Variants in DUSP5 observed in about 807,000 individuals in gnomAD.
The protein encoded by DUSP5 is dual specificity phosphatase 5, also known as dual specificity protein phosphatase 5.
A neutral mutation model predicts 33.6 loss-of-function variants in DUSP5; 22 were observed. The observed-to-expected ratio is 0.66, with a 90% CI of 0.47 to 0.94. The LOEUF is 0.94. Ranked by LOEUF, DUSP5 falls within the 40% of genes least tolerant of loss-of-function variation. The pLI, the probability that DUSP5 is intolerant of heterozygous loss-of-function variation, is 0.00. For synonymous variants in DUSP5, 270 were observed against 231.1 expected, an observed-to-expected ratio of 1.17 and a Z score of -1.53; for missense variants, 551 against 522.1, an observed-to-expected ratio of 1.06 and a Z score of -0.54.
intron 2 of DUSP5, among the ~76,000 whole-genome samples, chr10:110,503,725 A>C (rs1435118522): frequency 6.6e-6 from 1 of 152,268 alleles, no homozygotes; most frequent in Admixed American, 6.5e-5. Flanking sequence ...TCAAGGCAGC[A>C]TCAGGCTCAG....
In DUSP5 at chr10:110,502,799, G is replaced by A. The variant is rs1564773138; in HGVS notation, c.458G>A (p.Ser153Asn). 3 of 1,614,198 alleles carry A rather than the reference G, an allele frequency of 1.9e-6. No homozygotes were observed. Among genetic ancestry groups the A allele is most frequent in the Non-Finnish European group, 2.5e-6 (3 of 1,180,038 alleles). Residue 153 changes from serine to asparagine, a missense_variant, in exon 2 of 4, where the codon AGT (serine) becomes AAT (asparagine). Ser to Asn is a conservative substitution (Grantham distance 46, BLOSUM62 1). This residue lies in a region of DUSP5 where 381 missense variants were observed against 310.4 expected (regional missense o/e 1.23). Transcript: ENST00000369583. The stretch of plus-strand genomic sequence containing the variant: ...CCCATTTCACAAGAGAAGATTGAGA[G>A]TGAGAGAGCCCTCATCAGCCAGTGT... ...VKPISQEKIESERALISQCGK... is the reference protein window; with the variant it reads ...VKPISQEKIENERALISQCGK...
In DUSP5 at chr10:110,498,108, G is replaced by A. The variant is rs554331574; in HGVS notation, c.-14G>A. 14 of 1,285,528 alleles carry A rather than the reference G, an allele frequency of 1.1e-5. No homozygotes were observed. The highest frequency in any genetic ancestry group is 1.4e-5 in the Non-Finnish European group (14 of 1,014,274). The allele number at this position is 1,285,528 out of a possible 1,614,324, so 79.6% of individuals were successfully genotyped here. On this transcript the variant is annotated 5_prime_UTR_variant, in exon 1 of 4. Transcript: ENST00000369583. ...GCGCGCGGCGCGGGGCCGCTGGCCGGCGGCGGCGGCGGCATGAAGGTCACG... is the reference window on the plus strand; with the variant it reads ...GCGCGCGGCGCGGGGCCGCTGGCCGACGGCGGCGGCGGCATGAAGGTCACG...
At position 110,498,036 on chromosome 10, in the gene DUSP5, C is replaced by T; in HGVS notation, c.-86C>T. 3.9e-6 allele frequency: 4 copies of T among 1,031,508 alleles called. No individual in the cohort carries two copies. Among genetic ancestry groups the T allele is most frequent in the Non-Finnish European group, 4.7e-6 (4 of 859,522 alleles). 63.9% of individuals were successfully genotyped at this position (1,031,508 alleles called of 1,614,324 possible). Reference sequence around the variant, plus strand: ...CGCGGGTCGCCCTCCCGTGCCTCGCCCGCGGACACCCTGGCCGTGGACACC... The same window carrying T: ...CGCGGGTCGCCCTCCCGTGCCTCGCTCGCGGACACCCTGGCCGTGGACACC... On this transcript the variant is annotated 5_prime_UTR_variant, in exon 1 of 4. Transcript: ENST00000369583.
intron 2 of DUSP5, among the ~76,000 whole-genome samples, chr10:110,506,669 G>C (rs1860123188): frequency 6.6e-6 from 1 of 152,126 alleles, no homozygotes; most frequent in Non-Finnish European, 1.5e-5. Flanking sequence ...GGCATATCCT[G>C]CCTCCTGGAT....
intron 1 of DUSP5, among the ~76,000 whole-genome samples, chr10:110,499,189 TAG>T (rs892722599): frequency 6.6e-6 from 1 of 151,578 alleles, no homozygotes; most frequent in African/African-American, 2.4e-5. Flanking sequence ...AGCCACGAAA[TAG>T]AGGTGCGCGG....
intron 1 of DUSP5, 43 bp downstream of exon 1, chr10:110,498,543 C>G: frequency 4.3e-6 from 6 of 1,397,508 alleles, no homozygotes; most frequent in Non-Finnish European, 5.6e-6. Context: ...CTCCGGCGCC[C>G]CCGGGTCCCC....
intron 3 of DUSP5, among the ~76,000 whole-genome samples, chr10:110,507,657 A>G (rs923717732): frequency 6.6e-6 from 1 of 152,250 alleles, no homozygotes; most frequent in Admixed American, 6.5e-5. Context: ...TGGATTAAAG[A>G]TAGCACTTGA....
At position 110,498,516 on chromosome 10, in the gene DUSP5, C is replaced by T. The variant is rs549759462; in HGVS notation, c.379+16C>T. ...TTCCTCAAAGGTGAGCGCTCGGGGT[C>T]CCTGCCACGCTCGCCCCTCCGGCGC... On this transcript the variant is annotated intron_variant, in intron 1 of 3. Transcript: ENST00000369583. The T allele has an allele frequency of 1.4e-5, 20 of 1,475,580 alleles. No homozygotes were observed. The highest frequency in any genetic ancestry group is 7.2e-5 in the African/African-American group (5 of 69,144). The allele number at this position is 1,475,580 out of a possible 1,614,324, so 91.4% of individuals were successfully genotyped here. A position where few individuals can be genotyped will look rare whatever the true frequency, so the allele number is the denominator to read the frequency against.
Position 110,510,064 on chromosome 10 carries a change from G to T in DUSP5, c.793G>T (p.Ala265Ser), listed in dbSNP as rs368048350. ...AGGCAAGGTCCTGGTCCACTGTGAG[G>T]CTGGGATCTCCCGTTCACCCACCAT... ...KGGKVLVHCE[A>S]GISRSPTICM... The change falls in exon 4 of 4, where the codon GCT becomes TCT. Residue 265 changes from alanine (A) to serine (S), a missense_variant. Ala to Ser is a moderately conservative substitution (Grantham distance 99). Around this residue, in one of 3 missense-constraint regions of DUSP5, gnomAD observed 158 missense variants for 181.8 expected, o/e 0.87. Transcript: ENST00000369583. 1.9e-6 allele frequency: 3 copies of T among 1,613,118 alleles called. No homozygotes were observed.
At chr10:110,503,027 T>A (rs952539354) in intron 2 of DUSP5, among the ~76,000 whole-genome samples, 158 bp downstream of exon 2, 6 of 152,320 alleles carry the variant, frequency 3.9e-5, no homozygotes, top group African/African-American at 1.2e-4. Flanking sequence ...TTAGGGAGCT[T>A]CTGTTGCTTG....
Position 110,511,117 on chromosome 10 carries a change from C to T in DUSP5, c.*691C>T, listed in dbSNP as rs1860187893. 6.6e-6 allele frequency: 1 copy of T among 152,634 alleles called. No individual in the cohort carries two copies. Among genetic ancestry groups the T allele is most frequent in the Non-Finnish European group, 1.5e-5 (1 of 68,032 alleles). The allele number at this position is 152,634 out of a possible 1,614,324, so 9.5% of individuals were successfully genotyped here. ...TCATACTTGAACTTGTCTCATTCCA[C>T]CTCTTCTCAGAGCAACTCTTCCTTT... On this transcript the variant is annotated 3_prime_UTR_variant, in exon 4 of 4. Coordinates refer to ENST00000369583, the MANE Select transcript of DUSP5 (RefSeq NM_004419.4).
chr10:110,510,334 AC>A lies in DUSP5; in HGVS notation c.1064del (p.Thr355AsnfsTer45). 1 of 1,614,178 alleles carries A rather than the reference AC, an allele frequency of 6.2e-7. No homozygotes were observed. Among genetic ancestry groups the A allele is most frequent in the African/African-American group, 1.3e-5 (1 of 75,072 alleles). On this transcript the variant is annotated frameshift_variant, in exon 4 of 4. Transcript: ENST00000369583. LOFTEE classifies it high-confidence loss of function. ...CCCTGACATGCAGGGTGCCTACTGC[AC>A]ATTCCCTGCCTCGGTGCTGGCACCG... The part of the protein sequence containing the change: ...LSPDMQGAYC[T>X]FPASVLAPVP...
rs768292551 is a variant in DUSP5 at position 110,498,393 on chromosome 10, A to G, written c.272A>G (p.Gln91Arg). ...GTCGCGGCCGTGGTGGTGCTGGACCAGGGCAGCCGCCACTGGCAGAAGCTG... is the reference window on the plus strand; with the variant it reads ...GTCGCGGCCGTGGTGGTGCTGGACCGGGGCAGCCGCCACTGGCAGAAGCTG... ...GGVAAVVVLDQGSRHWQKLRE... is the reference protein window; with the variant it reads ...GGVAAVVVLDRGSRHWQKLRE... The change falls in exon 1 of 4, where the codon CAG becomes CGG. Residue 91 changes from glutamine (Q) to arginine (R), a missense_variant. Physicochemically the swap from Gln to Arg is conservative, Grantham distance 43. This residue lies in a region of DUSP5 where 381 missense variants were observed against 310.4 expected (regional missense o/e 1.23). Coordinates refer to ENST00000369583, the MANE Select transcript of DUSP5 (RefSeq NM_004419.4). 5 of 1,493,410 alleles carry G rather than the reference A, an allele frequency of 3.3e-6. No individual in the cohort carries two copies. The East Asian group carries it at 1.1e-4, about 34-fold the overall frequency. The allele number at this position is 1,493,410 out of a possible 1,614,324, so 92.5% of individuals were successfully genotyped here.
At position 110,510,811 on chromosome 10, in the gene DUSP5, T is replaced by C. The variant is rs1860182836; in HGVS notation, c.*385T>C. On this transcript the variant is annotated 3_prime_UTR_variant, in exon 4 of 4. Coordinates refer to ENST00000369583, the MANE Select transcript of DUSP5 (RefSeq NM_004419.4). ...AAAAGGCAGTTATGAAGCCAATTCA[T>C]TTTGAAGGAAGCACAATTTCCACCT... 5.5e-6 allele frequency: 1 copy of C among 181,722 alleles called. No homozygotes were observed. Among genetic ancestry groups the C allele is most frequent in the African/African-American group, 2.3e-5 (1 of 42,598 alleles). The allele number at this position is 181,722 out of a possible 1,614,324, so 11.3% of individuals were successfully genotyped here.
intron 3 of DUSP5, 91 bp downstream of exon 3, chr10:110,507,245 C>A: frequency 7.5e-7 from 1 of 1,339,750 alleles, no homozygotes; most frequent in Non-Finnish European, 1.0e-6. Flanking sequence ...GCTACCTTCA[C>A]TGAAAGAAAA....
intron 1 of DUSP5, among the ~76,000 whole-genome samples, chr10:110,501,946 C>A (rs1051528297): frequency 7.0e-6 from 1 of 142,754 alleles, no homozygotes; most frequent in African/African-American, 2.6e-5. Context: ...TCACACATGC[C>A]GTAAGTTGAC....
rs2134665960 is a variant in DUSP5, at chr10:110,510,518, G to A, written c.*92G>A. The A allele has an allele frequency of 2.9e-6, 4 of 1,400,334 alleles. No homozygotes were observed. Among genetic ancestry groups the A allele is most frequent in the Non-Finnish European group, 3.8e-6 (4 of 1,062,184 alleles). The allele number at this position is 1,400,334 out of a possible 1,614,324, so 86.7% of individuals were successfully genotyped here. A position where few individuals can be genotyped will look rare whatever the true frequency, so the allele number is the denominator to read the frequency against. On this transcript the variant is annotated 3_prime_UTR_variant, in exon 4 of 4. Transcript: ENST00000369583. ...CATTTCATACCTGTGCAATACTGAAGACCTCATTCTGTCATGCTGCCCCAG... is the reference window on the plus strand; with the variant it reads ...CATTTCATACCTGTGCAATACTGAAAACCTCATTCTGTCATGCTGCCCCAG...
Position 110,510,143 on chromosome 10 carries a change from A to C in DUSP5, c.872A>C (p.Asp291Ala), listed in dbSNP as rs186163304. The C allele has an allele frequency of 4.3e-6, 7 of 1,614,202 alleles. No individual in the cohort carries two copies. In the East Asian group the frequency reaches 1.6e-4, roughly 36 times the overall value. Residue 291 changes from aspartate (D) to alanine (A), a missense_variant, in exon 4 of 4, where the codon GAT becomes GCT. Asp to Ala is a moderately radical substitution (Grantham distance 126, BLOSUM62 -2). This residue lies in a region of DUSP5 where 158 missense variants were observed against 181.8 expected (regional missense o/e 0.87). Transcript: ENST00000369583. ...TKQFRLKEAF[D>A]YIKQRRSMVS... ...CAGTTCCGCCTGAAGGAGGCCTTCG[A>C]TTACATCAAGCAGAGGAGGAGCATG...
At chr10:110,507,575 A>G (rs186012070) in intron 3 of DUSP5, among the ~76,000 whole-genome samples, 19 of 152,320 alleles carry the variant, frequency 1.2e-4, no homozygotes, top group African/African-American at 4.1e-4. Context: ...CTGAGCCCCA[A>G]GGGCCCCCAG....
Sources: gnomAD v4.1 joint callset for allele counts (sites outside exome capture counted in the v4.1 genomes callset) on GRCh38, gnomAD v4.1.1 for gene constraint, gnomAD v4.1.1 regional missense constraint, MANE v1.5 for transcripts, NCBI Gene and HGNC (gene_info 2026-07-23, HGNC 2026-07-21) for gene names.